Variants in STX2 observed in about 807,000 individuals in gnomAD.
STX2 encodes syntaxin 2.
A neutral mutation model predicts 40.6 loss-of-function variants in STX2; 27 were observed. That is an observed-to-expected ratio of 0.66 (90% confidence interval 0.49 to 0.92). The LOEUF (loss-of-function observed/expected upper bound fraction) is 0.92, where lower values mean the gene tolerates loss of function less well. STX2 is among the 40% of genes least tolerant of loss of function. The pLI is 0.00. For missense variants in STX2, 328 were observed against 366.1 expected (o/e 0.90, Z 0.85); for synonymous variants, 123 against 119.1 (o/e 1.03, Z -0.22).
intron 3 of STX2, among the ~76,000 whole-genome samples, chr12:130,813,467 T>C (rs549326127): frequency 6.6e-6 from 1 of 152,362 alleles, no homozygotes; most frequent in African/African-American, 2.4e-5. Context: ...TGCTTTTCTC[T>C]TGTGCTGTCA....
intron 1 of STX2, 99 bp from the exon 2 acceptor site, chr12:130,827,366 A>C: frequency 1.2e-6 from 1 of 858,350 alleles, no homozygotes; most frequent in Non-Finnish European, 1.9e-6. Context: ...CAAGATCTCA[A>C]CTCACTACAG....
At position 130,833,001 on chromosome 12, in the gene STX2, T is replaced by C. The variant is rs73459526; in HGVS notation, c.31-5734A>G. 4.4e-3 allele frequency among the ~76,000 whole-genome samples: 669 copies of C among 152,228 alleles called. 9 individuals are homozygous for C. Among genetic ancestry groups the C allele is most frequent in the African/African-American group, 0.016 (646 of 41,526 alleles). On this transcript the variant is annotated intron_variant, in intron 1 of 10. Coordinates refer to ENST00000392373, the MANE Select transcript of STX2 (RefSeq NM_194356.4). ...CCTGCTTATTCCTTCACAGCAAGGATTGCGAAAGACACTTGATTCATCTGC... is the reference window on the plus strand; with the variant it reads ...CCTGCTTATTCCTTCACAGCAAGGACTGCGAAAGACACTTGATTCATCTGC...
chr12:130,808,808 A>G (rs2136275409), intron 4 of STX2, 104 bp from the exon 5 acceptor site: 6 of 983,994 alleles, frequency 6.1e-6, no homozygotes, highest in Non-Finnish European at 4.6e-6. Context: ...TATCTTTATA[A>G]AACTAAAGCT....
intron 10 of STX2, among the ~76,000 whole-genome samples, chr12:130,793,609 G>T (rs914544486): frequency 6.6e-6 from 1 of 152,200 alleles, no homozygotes; most frequent in East Asian, 1.9e-4. Flanking sequence ...TAATCTCCTG[G>T]TGACAGCGAG....
intron 1 of STX2, among the ~76,000 whole-genome samples, chr12:130,828,960 AC>A (rs1952447579): frequency 6.6e-6 from 1 of 152,110 alleles, no homozygotes; most frequent in African/African-American, 2.4e-5. Context: ...ACATAGTTTA[AC>A]ACTCTTCTCC....
chr12:130,799,612 T>C (rs1250931304), intron 8 of STX2, among the ~76,000 whole-genome samples: 2 of 152,134 alleles, frequency 1.3e-5, no homozygotes, highest in African/African-American at 2.4e-5. Context: ...GTCCCATCCC[T>C]GCCCTCTGTG....
rs1438356531 is a variant in STX2, at chr12:130,839,222, C to T, written c.-123G>A. 16 of 891,420 alleles carry T rather than the reference C, an allele frequency of 1.8e-5. No individual in the cohort carries two copies. Among genetic ancestry groups the T allele is most frequent in the Non-Finnish European group, 2.2e-5 (16 of 728,658 alleles). 55.2% of individuals were successfully genotyped at this position (891,420 alleles called of 1,614,324 possible). A position where few individuals can be genotyped will look rare whatever the true frequency, so the allele number is the denominator to read the frequency against. On this transcript the variant is annotated 5_prime_UTR_variant, in exon 1 of 11. Transcript: ENST00000392373. The stretch of plus-strand genomic sequence containing the variant: ...TCCCGGCCCGGCGCCAGCAGCCCTC[C>T]CTGGAGCCGGCGCTGCCACGGCAAC...
At chr12:130,817,550 T>C (rs970901825) in intron 3 of STX2, among the ~76,000 whole-genome samples, 6 of 151,916 alleles carry the variant, frequency 3.9e-5, no homozygotes, top group African/African-American at 1.5e-4. Flanking sequence ...GAAGAAGTAA[T>C]GGCCAAAGTT....
In STX2 at chr12:130,801,302, A is replaced by T. The variant is rs747089271; in HGVS notation, c.538-12T>A. The stretch of plus-strand genomic sequence containing the variant: ...GAATCTGATATAATCTTGGAAAAAC[A>T]AAAATAAAAGATAATATTAATAAAC... On this transcript the variant is annotated splice_polypyrimidine_tract_variant and intron_variant, in intron 7 of 10. Transcript: ENST00000392373. 4 of 1,606,042 alleles carry T rather than the reference A, an allele frequency of 2.5e-6. No individual in the cohort carries two copies. The highest frequency in any genetic ancestry group is 1.7e-5 in the Admixed American group (1 of 59,410).
chr12:130,834,043 G>C (rs1354476161), intron 1 of STX2, among the ~76,000 whole-genome samples: 6 of 152,152 alleles, frequency 3.9e-5, no homozygotes, highest in Non-Finnish European at 8.8e-5. Flanking sequence ...GAACATGCGA[G>C]GAAAGGGAGG....
intron 6 of STX2, among the ~76,000 whole-genome samples, chr12:130,802,169 A>G (rs146342470): frequency 8.3e-4 from 126 of 152,338 alleles, no homozygotes; most frequent in African/African-American, 2.9e-3. Context: ...CATACGACTC[A>G]GCCACAAAAA....
chr12:130,794,568 T>C (rs1950972486), intron 10 of STX2, among the ~76,000 whole-genome samples: 1 of 152,208 alleles, frequency 6.6e-6, no homozygotes, highest in South Asian at 2.1e-4. Context: ...CGATCTAGAC[T>C]CACTCTAGCC....
At chr12:130,817,878 C>CT (rs1247234817) in intron 3 of STX2, among the ~76,000 whole-genome samples, 1 of 105,558 alleles carries the variant, frequency 9.5e-6, no homozygotes, top group African/African-American at 2.6e-5. Context: ...CGAATCTTCA[C>CT]TGAAGGAGGT....
At chr12:130,826,814 A>C (rs755793643) in intron 2 of STX2, among the ~76,000 whole-genome samples, 3 of 150,432 alleles carry the variant, frequency 2.0e-5, no homozygotes, top group Non-Finnish European at 4.4e-5. Flanking sequence ...CAGCCTAGGC[A>C]ACATGGTGAA....
chr12:130,802,062 T>C (rs1167796296), intron 6 of STX2, among the ~76,000 whole-genome samples: 2 of 152,214 alleles, frequency 1.3e-5, no homozygotes, highest in African/African-American at 2.4e-5. Flanking sequence ...TGTCATCTAA[T>C]AAGCAGCATT....
chr12:130,796,658 G>C (rs1951038238), intron 9 of STX2, among the ~76,000 whole-genome samples: 1 of 152,152 alleles, frequency 6.6e-6, no homozygotes, highest in African/African-American at 2.4e-5. Context: ...CATCCATGGG[G>C]ACAGCACGAC....
chr12:130,834,174 G>C (rs568935058), intron 1 of STX2, among the ~76,000 whole-genome samples: 2 of 152,054 alleles, frequency 1.3e-5, no homozygotes, highest in African/African-American at 4.8e-5. Flanking sequence ...ACCTGAGGTC[G>C]GGAGTTCGAG....
At chr12:130,817,678 G>A (rs181529655) in intron 3 of STX2, among the ~76,000 whole-genome samples, 169 of 150,020 alleles carry the variant, frequency 1.1e-3, no homozygotes, top group African/African-American at 3.9e-3. Context: ...TAAAACCAAA[G>A]ACCAAAAACC....
chr12:130,837,950 A>G (rs1029239791), intron 1 of STX2, among the ~76,000 whole-genome samples: 1 of 152,240 alleles, frequency 6.6e-6, no homozygotes, highest in Admixed American at 6.5e-5. Flanking sequence ...GCCTTTCTCA[A>G]CCAGAGCTCC....
Sources: allele counts gnomAD v4.1 joint callset (sites outside exome capture counted in the v4.1 genomes callset), GRCh38; gene constraint gnomAD v4.1.1; transcripts MANE v1.5; gene names NCBI Gene and HGNC (gene_info 2026-07-23, HGNC 2026-07-21).